Variants in CMSS1 observed in about 807,000 individuals in gnomAD.
CMSS1 encodes the protein cms1 ribosomal small subunit homolog.
CMSS1 carries 33 observed loss-of-function variants against 43.5 expected under a neutral mutation model. The observed-to-expected ratio is 0.76, with a 90% CI of 0.57 to 1.01. CMSS1 has a LOEUF of 1.01. CMSS1 is among the 50% of genes least tolerant of loss of function. CMSS1 has a pLI of 0.00. For synonymous variants in CMSS1, 115 were observed against 117.2 expected (o/e 0.98, Z 0.12); for missense variants, 313 against 326.4 (o/e 0.96, Z 0.32).
At chr3:100,000,019 C>G (rs572632152) in intron 1 of CMSS1, among the ~76,000 whole-genome samples, 1 of 152,282 alleles carries the variant, frequency 6.6e-6, no homozygotes, top group South Asian at 2.1e-4. Flanking sequence ...CAGACTCCAC[C>G]TCCAGAGTCT....
intron 1 of CMSS1, among the ~76,000 whole-genome samples, chr3:100,065,273 G>A (rs1198114016): frequency 6.6e-6 from 1 of 152,152 alleles, no homozygotes; most frequent in Non-Finnish European, 1.5e-5. Context: ...AGAATATCCA[G>A]ATAATGCTTT....
intron 1 of CMSS1, among the ~76,000 whole-genome samples, chr3:100,106,731 G>C (rs1460686423): frequency 6.6e-6 from 1 of 152,118 alleles, no homozygotes; most frequent in African/African-American, 2.4e-5. Flanking sequence ...CTTTAGATGA[G>C]TTATACCCCA....
intron 1 of CMSS1, among the ~76,000 whole-genome samples, chr3:100,120,597 G>A (rs2066611071): frequency 6.6e-6 from 1 of 152,104 alleles, no homozygotes; most frequent in Non-Finnish European, 1.5e-5. Flanking sequence ...ACTGTGCTAG[G>A]TCTTGGTCCT....
chr3:99,828,678 G>T (rs923848571), intron 1 of CMSS1, among the ~76,000 whole-genome samples: 4 of 149,804 alleles, frequency 2.7e-5, no homozygotes, highest in Admixed American at 6.7e-5. Context: ...CTGGTCTTGA[G>T]CTCCTGGCCT....
chr3:99,844,727 C>T (rs9825784), intron 1 of CMSS1, among the ~76,000 whole-genome samples: 1 of 152,182 alleles, frequency 6.6e-6, no homozygotes, highest in Non-Finnish European at 1.5e-5. Context: ...TGTGTCCTCA[C>T]CCAAATCTCC....
chr3:99,991,934 G>GTATGTGTATA (rs944271721), intron 1 of CMSS1, among the ~76,000 whole-genome samples: 2 of 144,774 alleles, frequency 1.4e-5, no homozygotes, highest in Admixed American at 6.9e-5. Flanking sequence ...ACACACATAT[G>GTATGTGTATA]TATGTGTATA....
At chr3:99,962,525 A>G (rs1199739573) in intron 1 of CMSS1, among the ~76,000 whole-genome samples, 1 of 152,236 alleles carries the variant, frequency 6.6e-6, no homozygotes, top group African/African-American at 2.4e-5. Context: ...CTCCAGCAAC[A>G]ATATGTTTGG....
At chr3:99,914,471 C>T (rs1706889253) in intron 1 of CMSS1, among the ~76,000 whole-genome samples, 1 of 152,040 alleles carries the variant, frequency 6.6e-6, no homozygotes. Flanking sequence ...CTAAACAAAG[C>T]CCAAGTCAGT....
intron 1 of CMSS1, among the ~76,000 whole-genome samples, chr3:99,819,850 GT>G (rs1942398872): frequency 6.6e-6 from 1 of 151,722 alleles, no homozygotes; most frequent in Admixed American, 6.6e-5. Flanking sequence ...TGCCTCCTGG[GT>G]TCAAGCGATT....
In CMSS1 at chr3:99,823,221, C is replaced by A. The variant is rs150188776; in HGVS notation, c.64+5178C>A. On this transcript the variant is annotated intron_variant, in intron 1 of 9. Transcript: ENST00000421999. ...GTTACTTGGAGCTACAAATAAGCAG[C>A]TTTTCCATTTGGGCTTTGAGAACCA... Among the ~76,000 whole-genome samples, 23 of 152,336 alleles carry A rather than the reference C, an allele frequency of 1.5e-4. No individual in the cohort carries two copies. The East Asian group carries it at 4.2e-3, about 28-fold the overall frequency.
rs963246520 is a variant in CMSS1, at chr3:100,173,337, C to T, written c.667+934C>T. 3.3e-5 allele frequency among the ~76,000 whole-genome samples: 5 copies of T among 152,324 alleles called. No homozygotes were observed. The East Asian group carries it at 9.6e-4, about 29-fold the overall frequency. On this transcript the variant is annotated intron_variant, in intron 8 of 9. Transcript: ENST00000421999. ...CGCAGCGCTACGCTTGACACCCTTA[C>T]ATATGTTACCTCATTTAGCACTCAC...
chr3:100,106,944 A>T (rs1418917009), intron 1 of CMSS1, among the ~76,000 whole-genome samples: 1 of 152,206 alleles, frequency 6.6e-6, no homozygotes, highest in Admixed American at 6.5e-5. Flanking sequence ...TGGTCAGTAG[A>T]TGAAGGGAGC....
intron 1 of CMSS1, among the ~76,000 whole-genome samples, chr3:99,975,168 A>C (rs1325615305): frequency 2.0e-5 from 3 of 152,150 alleles, no homozygotes; most frequent in African/African-American, 7.2e-5. Flanking sequence ...CCCCGCTCCA[A>C]TCTACCAGAT....
intron 1 of CMSS1, among the ~76,000 whole-genome samples, chr3:99,822,032 T>A (rs1942448762): frequency 6.6e-6 from 1 of 152,032 alleles, no homozygotes; most frequent in Admixed American, 6.5e-5. Context: ...TGCTACAGAC[T>A]GAGACTCTGT....
intron 1 of CMSS1, among the ~76,000 whole-genome samples, chr3:100,023,871 C>T (rs2064871018): frequency 6.6e-6 from 1 of 152,154 alleles, no homozygotes; most frequent in African/African-American, 2.4e-5. Context: ...TAGTATTACT[C>T]ATCAAATAAT....
At chr3:99,996,522 C>A (rs1709686553) in intron 1 of CMSS1, among the ~76,000 whole-genome samples, 1 of 152,132 alleles carries the variant, frequency 6.6e-6, no homozygotes, top group Admixed American at 6.5e-5. Context: ...TTCAGCAATG[C>A]CCCACTCCAC....
At chr3:99,924,154 T>C (rs920709887) in intron 1 of CMSS1, 25 of 1,199,610 alleles carry the variant, frequency 2.1e-5, no homozygotes, top group Non-Finnish European at 2.6e-5. Context: ...TATTTATCTT[T>C]GTATCCCTGA....
intron 1 of CMSS1, among the ~76,000 whole-genome samples, chr3:99,866,115 G>C (rs1175122852): frequency 6.6e-6 from 1 of 150,614 alleles, no homozygotes; most frequent in Admixed American, 6.6e-5. Context: ...TAGAAAGCAT[G>C]TATCCTTTTC....
chr3:100,098,274 C>T (rs754300774), intron 1 of CMSS1, among the ~76,000 whole-genome samples: 3 of 152,222 alleles, frequency 2.0e-5, no homozygotes, highest in Admixed American at 6.5e-5. Flanking sequence ...AAGGAGGTAA[C>T]GAGAAGTAAA....
Sources: allele counts gnomAD v4.1 joint callset (sites outside exome capture counted in the v4.1 genomes callset), GRCh38; gene constraint gnomAD v4.1.1; transcripts MANE v1.5; gene names NCBI Gene and HGNC (gene_info 2026-07-23, HGNC 2026-07-21).